Variants in GADL1 observed in about 807,000 individuals in gnomAD.
The protein encoded by GADL1 is acidic amino acid decarboxylase GADL1.
In GADL1, 71 loss-of-function variants were observed where a neutral mutation model predicts 69.5. The ratio of observed to expected loss-of-function variants is 1.02; its 90% confidence interval spans 0.84 to 1.25. GADL1 has a LOEUF of 1.25. Among genes scored for constraint, GADL1 ranks in the 50% most tolerant of loss-of-function variants. The pLI, the probability that GADL1 is intolerant of heterozygous loss-of-function variation, is 0.00. For synonymous variants in GADL1, 254 were observed against 214.4 expected (o/e 1.18, Z -1.62); for missense variants, 737 against 631.8 (o/e 1.17, Z -1.79).
chr3:30,821,324 TATA>T (rs1029410380), intron 11 of GADL1, among the ~76,000 whole-genome samples: 28 of 150,732 alleles, frequency 1.9e-4, no homozygotes, highest in South Asian at 8.6e-4. Context: ...AAACTTAAAG[TATA>T]ATAATAATAA....
At chr3:30,785,680 A>G (rs1015683816) in intron 13 of GADL1, among the ~76,000 whole-genome samples, 6 of 152,188 alleles carry the variant, frequency 3.9e-5, no homozygotes, top group South Asian at 4.1e-4. Context: ...AGCCAGCTAC[A>G]TTTCTTATGT....
intron 11 of GADL1, among the ~76,000 whole-genome samples, chr3:30,829,765 G>T (rs1387481698): frequency 1.3e-5 from 2 of 151,796 alleles, no homozygotes; most frequent in Admixed American, 1.3e-4. Context: ...TACTTGCTAG[G>T]CACTGACAAC....
intron 14 of GADL1, among the ~76,000 whole-genome samples, chr3:30,733,845 G>A (rs996137917): frequency 6.6e-6 from 1 of 152,174 alleles, no homozygotes; most frequent in Non-Finnish European, 1.5e-5. Flanking sequence ...TCCAAGAGAA[G>A]TATTAACATG....
At chr3:30,842,821 T>TAAAAA (rs1559358436) in intron 8 of GADL1, among the ~76,000 whole-genome samples, 10,799 of 65,138 alleles carry the variant, frequency 0.17, 717 homozygotes, top group South Asian at 0.26. Context: ...ATTGGAATGT[T>TAAAAA]TAAAAAAAAA....
At chr3:30,789,724 G>A (rs1280512703) in intron 12 of GADL1, among the ~76,000 whole-genome samples, 2 of 152,132 alleles carry the variant, frequency 1.3e-5, no homozygotes, top group Non-Finnish European at 2.9e-5. Context: ...GCTTCAACTT[G>A]CACTTTTATG....
intron 14 of GADL1, among the ~76,000 whole-genome samples, chr3:30,770,998 G>A (rs1696408381): frequency 6.6e-6 from 1 of 152,142 alleles, no homozygotes; most frequent in Non-Finnish European, 1.5e-5. Flanking sequence ...TTTATGCGTT[G>A]AAAGATGCTA....
rs140546760 is a variant in GADL1, at chr3:30,861,835, A to G, written c.38-70T>C. 383 of 932,520 alleles carry G rather than the reference A, an allele frequency of 4.1e-4. 3 individuals carry two copies. In the East Asian group the frequency reaches 7.7e-3, roughly 19 times the overall value. 57.8% of individuals were successfully genotyped at this position (932,520 alleles called of 1,614,324 possible). A position where few individuals can be genotyped will look rare whatever the true frequency, so the allele number is the denominator to read the frequency against. ...CACCACATAACAAAGCACGGGACAA[A>G]ATGCATCACTATCCCAGCTTCAGAT... On this transcript the variant is annotated intron_variant, in intron 1 of 14. Coordinates refer to ENST00000282538, the MANE Select transcript of GADL1 (RefSeq NM_207359.3).
Position 30,862,497 on chromosome 3 carries a change from C to G in GADL1, c.38-732G>C, listed in dbSNP as rs145171012. On this transcript the variant is annotated intron_variant, in intron 1 of 14. Coordinates refer to ENST00000282538, the MANE Select transcript of GADL1 (RefSeq NM_207359.3). ...AGGTAGCAAGCTTTTAGCTTCATTT[C>G]CTTGTACAAAGTCCTTTAGCATTTC... Among the ~76,000 whole-genome samples the G allele has an allele frequency of 1.8e-3, 281 of 152,098 alleles. 1 individual carries two copies. The highest frequency in any genetic ancestry group is 6.4e-3 in the African/African-American group (266 of 41,532).
chr3:30,763,442 C>T (rs1184416695), intron 14 of GADL1, among the ~76,000 whole-genome samples: 2 of 140,148 alleles, frequency 1.4e-5, no homozygotes, highest in Non-Finnish European at 3.0e-5. Context: ...GTGGAACTTG[C>T]AGTGAACCGA....
At chr3:30,801,159 T>C (rs1190750690) in intron 11 of GADL1, 71 bp from the exon 12 acceptor site, 3 of 1,118,366 alleles carry the variant, frequency 2.7e-6, no homozygotes, top group Admixed American at 3.8e-5. Context: ...CAAACACATG[T>C]ACACACACAA....
intron 3 of GADL1, among the ~76,000 whole-genome samples, chr3:30,855,848 T>C (rs189424895): frequency 8.9e-4 from 134 of 151,036 alleles, no homozygotes; most frequent in South Asian, 8.2e-3. Flanking sequence ...TTTTTTTCTC[T>C]CTTTAGGGGT....
At chr3:30,748,512 C>A (rs1015269577) in intron 14 of GADL1, among the ~76,000 whole-genome samples, 1 of 149,536 alleles carries the variant, frequency 6.7e-6, no homozygotes, top group Non-Finnish European at 1.5e-5. Flanking sequence ...TGGAATGGCA[C>A]CAAAGGATTT....
At chr3:30,850,718 T>C in intron 5 of GADL1, 117 bp downstream of exon 5, 2 of 635,484 alleles carry the variant, frequency 3.1e-6, no homozygotes, top group Non-Finnish European at 2.8e-6. Flanking sequence ...TCTCAGCAAG[T>C]AGAATTATTA....
At chr3:30,735,759 T>C (rs369180783) in intron 14 of GADL1, among the ~76,000 whole-genome samples, 2 of 152,192 alleles carry the variant, frequency 1.3e-5, no homozygotes, top group African/African-American at 4.8e-5. Context: ...GCCTTTGCAC[T>C]CTTGGGTGCA....
intron 12 of GADL1, 69 bp downstream of exon 12, chr3:30,800,802 GATAGACACACACACACAC>G (rs1161951334): frequency 6.0e-6 from 6 of 1,007,618 alleles, no homozygotes; most frequent in Non-Finnish European, 8.6e-6. Flanking sequence ...TACAGACACA[GATAGACACACACACACAC>G]ACACACACAC....
intron 11 of GADL1, among the ~76,000 whole-genome samples, chr3:30,830,204 T>C (rs1697764699): frequency 6.6e-6 from 1 of 151,860 alleles, no homozygotes. Context: ...GGAGGGGTCC[T>C]ACCCTATGCC....
At chr3:30,753,029 A>C (rs1695870048) in intron 14 of GADL1, among the ~76,000 whole-genome samples, 1 of 152,214 alleles carries the variant, frequency 6.6e-6, no homozygotes, top group South Asian at 2.1e-4. Context: ...AAGGAGAGTC[A>C]TAACGGGCAT....
intron 11 of GADL1, among the ~76,000 whole-genome samples, chr3:30,814,149 T>C (rs908750338): frequency 6.6e-6 from 1 of 152,212 alleles, no homozygotes; most frequent in African/African-American, 2.4e-5. Flanking sequence ...GTCTTCATTA[T>C]ACAGATAAAA....
At chr3:30,892,638 G>T (rs1698800570) in intron 1 of GADL1, among the ~76,000 whole-genome samples, 3 of 152,018 alleles carry the variant, frequency 2.0e-5, no homozygotes, top group Admixed American at 6.6e-5. Flanking sequence ...AGATACCTTG[G>T]TTTTTTTGTT....
Sources: gnomAD v4.1 joint callset for allele counts (sites outside exome capture counted in the v4.1 genomes callset) on GRCh38, gnomAD v4.1.1 for gene constraint, MANE v1.5 for transcripts, NCBI Gene and HGNC (gene_info 2026-07-23, HGNC 2026-07-21) for gene names.